PARK7: variants seen among roughly 807,000 people sequenced by gnomAD.
PARK7 encodes the protein Parkinson disease protein 7.
Under a neutral mutation model 20.5 loss-of-function variants are expected in PARK7, and 14 were observed. The observed-to-expected ratio is 0.68, with a 90% CI of 0.45 to 1.07. The LOEUF (loss-of-function observed/expected upper bound fraction) is 1.07. Ranked by LOEUF, PARK7 falls within the 50% of genes least tolerant of loss-of-function variation. PARK7 has a pLI of 0.00. For synonymous variants in PARK7, 98 were observed against 84.3 expected, an observed-to-expected ratio of 1.16 and a Z score of -0.89; for missense variants, 234 against 238.1, an observed-to-expected ratio of 0.98 and a Z score of 0.11.
At chr1:7,974,135 C>CCCT (rs1218171937) in intron 5 of PARK7, among the ~76,000 whole-genome samples, 1 of 75,624 alleles carries the variant, frequency 1.3e-5, no homozygotes, top group Non-Finnish European at 3.8e-5. Flanking sequence ...CATAGTGAGA[C>CCCT]CCCCCCACCG....
Position 7,977,651 on chromosome 1 carries a change from G to A in PARK7, c.323-1G>A. On this transcript the variant is annotated splice_acceptor_variant, in intron 5 of 6. Coordinates refer to ENST00000338639, the MANE Select transcript of PARK7 (RefSeq NM_007262.5). LOFTEE classifies it high-confidence loss of function. ...TTAGATCTTTTTATTTTTATTCTTA[G>A]GTCCTACTGCTCTGTTGGCTCATGA... is the stretch of plus-strand genomic sequence containing the variant. 3.7e-6 allele frequency: 6 copies of A among 1,612,822 alleles called. No homozygotes were observed. Among genetic ancestry groups the A allele is most frequent in the East Asian group, 2.2e-5 (1 of 44,870 alleles).
Position 7,965,699 on chromosome 1 carries a change from A to G in PARK7, c.192+274A>G, listed in dbSNP as rs370254910. ...GATGGGTGGGTTGGTGCTTAGATGG[A>G]TGGCTGCATTGTTTTCCCATCAGTA... On this transcript the variant is annotated intron_variant, in intron 3 of 6. Coordinates refer to ENST00000338639, the MANE Select transcript of PARK7 (RefSeq NM_007262.5). Among the ~76,000 whole-genome samples the G allele has an allele frequency of 8.1e-4, 124 of 152,222 alleles. 4 individuals carry two copies. The South Asian group carries it at 0.024, about 29-fold the overall frequency.
intron 2 of PARK7, among the ~76,000 whole-genome samples, chr1:7,964,436 A>T (rs751780246): frequency 2.6e-5 from 4 of 152,176 alleles, no homozygotes; most frequent in African/African-American, 4.8e-5. Context: ...AGAAATGAAG[A>T]TACATGTCGA....
Position 7,984,812 on chromosome 1 carries a change from A to G in PARK7, c.410-82A>G. ...TACAGTGTTGGGTTTATATGCTGTA[A>G]TAGTGAATTTAATTGGTAAGTAATC... On this transcript the variant is annotated intron_variant, in intron 6 of 6. Coordinates refer to ENST00000338639, the MANE Select transcript of PARK7 (RefSeq NM_007262.5). The surrounding 1 kb of genome is among the most constrained non-coding windows in gnomAD (Gnocchi z 4.3). 1.3e-6 allele frequency: 2 copies of G among 1,526,308 alleles called. No homozygotes were observed. The highest frequency in any genetic ancestry group is 1.8e-6 in the Non-Finnish European group (2 of 1,104,284). 94.5% of individuals were successfully genotyped at this position (1,526,308 alleles called of 1,614,324 possible). A position where few individuals can be genotyped will look rare whatever the true frequency, so the allele number is the denominator to read the frequency against.
chr1:7,973,753 C>G (rs1640512377), intron 5 of PARK7, among the ~76,000 whole-genome samples: 1 of 151,378 alleles, frequency 6.6e-6, no homozygotes, highest in Non-Finnish European at 1.5e-5. Flanking sequence ...ATAAAAATAA[C>G]AAAAATTAGC....
intron 6 of PARK7, among the ~76,000 whole-genome samples, chr1:7,979,845 A>G (rs1420895859): frequency 6.6e-6 from 1 of 152,172 alleles, no homozygotes; most frequent in African/African-American, 2.4e-5. Context: ...TGTTATCATT[A>G]AAACGATCTG....
intron 5 of PARK7, among the ~76,000 whole-genome samples, chr1:7,972,773 G>A (rs1451750589): frequency 6.6e-6 from 1 of 152,108 alleles, no homozygotes; most frequent in Non-Finnish European, 1.5e-5. Context: ...GCATGGTGGT[G>A]CACGCCTGTA....
chr1:7,963,791 G>T (rs1277791057), intron 2 of PARK7, among the ~76,000 whole-genome samples: 1 of 149,834 alleles, frequency 6.7e-6, no homozygotes, highest in South Asian at 2.1e-4. Flanking sequence ...TGCTATCCTC[G>T]CACTCTTGTG....
At chr1:7,966,463 A>G (rs1336650947) in intron 3 of PARK7, among the ~76,000 whole-genome samples, 1 of 151,914 alleles carries the variant, frequency 6.6e-6, no homozygotes, top group Non-Finnish European at 1.5e-5. Context: ...TTGGAGGCCA[A>G]AGTGGGAGGA....
At chr1:7,972,481 T>C (rs1307986866) in intron 5 of PARK7, among the ~76,000 whole-genome samples, 1 of 152,086 alleles carries the variant, frequency 6.6e-6, no homozygotes, top group Non-Finnish European at 1.5e-5. Context: ...GTTATTCGCC[T>C]TTTTTCTTCT....
intron 2 of PARK7, among the ~76,000 whole-genome samples, chr1:7,963,119 G>A (rs1191667756): frequency 1.3e-5 from 2 of 151,812 alleles, no homozygotes; most frequent in African/African-American, 4.9e-5. Flanking sequence ...GCTGGAGTGC[G>A]ATGGCAGGAT....
intron 6 of PARK7, 57 bp downstream of exon 6, chr1:7,977,795 C>A: frequency 6.7e-7 from 1 of 1,482,460 alleles, no homozygotes; most frequent in Non-Finnish European, 9.4e-7. Context: ...AGTCTCGCTC[C>A]ATCGCCCAGG....
rs566516650 is a variant in PARK7, at chr1:7,980,234, ATTTAC to A, written c.409+2501_409+2505del. On this transcript the variant is annotated intron_variant, in intron 6 of 6. Transcript: ENST00000338639. ...TGGGCATTTTAAATGTAGGAATTTA[ATTTAC>A]TTTAAGCTCATGGAGGGATTTTAGA... 9.9e-5 allele frequency among the ~76,000 whole-genome samples: 15 copies of A among 152,214 alleles called. 1 individual carries two copies. The South Asian group carries it at 3.1e-3, about 32-fold the overall frequency.
chr1:7,982,940 C>A (rs1283422086), intron 6 of PARK7: 1 of 152,204 alleles, frequency 6.6e-6, no homozygotes, highest in East Asian at 1.9e-4. Context: ...GGTGTAACTG[C>A]CTGTGAACGA....
intron 4 of PARK7, among the ~76,000 whole-genome samples, chr1:7,970,427 T>A (rs1426766555): frequency 6.6e-6 from 1 of 152,138 alleles, no homozygotes; most frequent in Non-Finnish European, 1.5e-5. Flanking sequence ...CAGAGACCAT[T>A]GTTCCTCATT....
At chr1:7,972,253 A>G (rs1159236094) in intron 5 of PARK7, among the ~76,000 whole-genome samples, 2 of 152,072 alleles carry the variant, frequency 1.3e-5, no homozygotes, top group African/African-American at 4.8e-5. Flanking sequence ...CTTGAAAGCC[A>G]GGAGTTTGAG....
At chr1:7,974,655 A>G (rs977838415) in intron 5 of PARK7, among the ~76,000 whole-genome samples, 8 of 151,732 alleles carry the variant, frequency 5.3e-5, no homozygotes, top group African/African-American at 1.9e-4. Context: ...TATAAAAAAC[A>G]GTAAAAATAG....
chr1:7,981,666 T>G (rs1245726457), intron 6 of PARK7, among the ~76,000 whole-genome samples: 6 of 151,008 alleles, frequency 4.0e-5, no homozygotes, highest in East Asian at 1.9e-4. Flanking sequence ...TTTTGTTTTT[T>G]TTTTTTTTTT....
rs1359540926 is a variant in PARK7, at chr1:7,984,418, C to T, written c.410-476C>T. Among the ~76,000 whole-genome samples the T allele has an allele frequency of 3.3e-5, 5 of 152,190 alleles. No homozygotes were observed. Among genetic ancestry groups the T allele is most frequent in the African/African-American group, 9.6e-5 (4 of 41,462 alleles). ...AGGGAATGTGGTTTCTACCTGCACA[C>T]GCACACTCACATGCATACCCGCCTC... On this transcript the variant is annotated intron_variant, in intron 6 of 6. Transcript: ENST00000338639. This position sits in a 1 kb window ranked among gnomAD's most constrained non-coding sequence, Gnocchi z 4.3.
Sources: allele counts gnomAD v4.1 joint callset (sites outside exome capture counted in the v4.1 genomes callset), GRCh38; gene constraint gnomAD v4.1.1; non-coding constraint Gnocchi (gnomAD v3.1); transcripts MANE v1.5; gene names NCBI Gene and HGNC (gene_info 2026-07-23, HGNC 2026-07-21).